Variants in ZFR observed in about 807,000 individuals in gnomAD.
ZFR encodes the protein zinc finger RNA binding protein.
Under a neutral mutation model 130.7 loss-of-function variants are expected in ZFR, and 19 were observed. The ratio of observed to expected loss-of-function variants is 0.15; its 90% CI spans 0.10 to 0.21. ZFR has a LOEUF of 0.21. Ranked by LOEUF, ZFR falls within the 10% of genes least tolerant of loss-of-function variation. The pLI is 1.00. For missense variants in ZFR, 872 were observed against 1,321.5 expected, an observed-to-expected ratio of 0.66 and a Z score of 5.27; for synonymous variants, 466 against 456.9, an observed-to-expected ratio of 1.02 and a Z score of -0.25.
chr5:32,357,326 C>T (rs1024022233), intron 19 of ZFR, among the ~76,000 whole-genome samples: 2 of 151,996 alleles, frequency 1.3e-5, no homozygotes, highest in Non-Finnish European at 2.9e-5. Context: ...AGTGCAGTGG[C>T]GCGATCTCAG....
intron 6 of ZFR, among the ~76,000 whole-genome samples, chr5:32,405,730 C>T (rs1561897988): frequency 6.6e-6 from 1 of 152,168 alleles, no homozygotes; most frequent in African/African-American, 2.4e-5. Context: ...ACATTTCCTA[C>T]CTGTGCCACA....
intron 6 of ZFR, among the ~76,000 whole-genome samples, chr5:32,405,541 C>T (rs1176415654): frequency 6.6e-6 from 1 of 152,218 alleles, no homozygotes; most frequent in African/African-American, 2.4e-5. Flanking sequence ...ATCTATCACC[C>T]AAGCGTCACG....
chr5:32,389,262 A>G (rs1753108082), intron 12 of ZFR, among the ~76,000 whole-genome samples: 1 of 152,212 alleles, frequency 6.6e-6, no homozygotes, highest in Non-Finnish European at 1.5e-5. Flanking sequence ...ATTTAGAAGT[A>G]GTAGGTTTTG....
At chr5:32,400,923 GTC>G (rs1029855431) in intron 8 of ZFR, among the ~76,000 whole-genome samples, 1 of 152,100 alleles carries the variant, frequency 6.6e-6, no homozygotes, top group African/African-American at 2.4e-5. Flanking sequence ...CAATGATTAG[GTC>G]TCTCTGCAAA....
chr5:32,444,561 C>T (rs1754562708), intron 1 of ZFR, 61 bp downstream of exon 1: 1 of 1,436,318 alleles, frequency 7.0e-7, no homozygotes, highest in Non-Finnish European at 9.1e-7. Flanking sequence ...CCCGCGGCTC[C>T]CCGCTGCCCG....
chr5:32,426,388 A>C (rs1181383069), intron 2 of ZFR, among the ~76,000 whole-genome samples: 6 of 151,972 alleles, frequency 3.9e-5, no homozygotes, highest in Non-Finnish European at 8.8e-5. Flanking sequence ...TTTTATGATT[A>C]AAAAAAGAAA....
At chr5:32,375,372 A>G (rs370594173) in intron 17 of ZFR, among the ~76,000 whole-genome samples, 22 of 152,224 alleles carry the variant, frequency 1.4e-4, no homozygotes, top group African/African-American at 5.3e-4. Context: ...GACCAGAAAC[A>G]TTTTTAATAC....
At chr5:32,444,353 T>C in intron 1 of ZFR, 25 bp from the exon 2 acceptor site, 1 of 1,530,662 alleles carries the variant, frequency 6.5e-7, no homozygotes, top group Non-Finnish European at 8.8e-7. Context: ...AAGAGTCGGG[T>C]CCCATGGCGG....
intron 2 of ZFR, among the ~76,000 whole-genome samples, chr5:32,430,857 C>T (rs1044806463): frequency 6.6e-6 from 1 of 152,202 alleles, no homozygotes; most frequent in Non-Finnish European, 1.5e-5. Flanking sequence ...AGGCAGATCT[C>T]TTGAGTCCAG....
chr5:32,380,367 G>A (rs895622360), intron 15 of ZFR, 195 bp from the exon 16 acceptor site: 2 of 442,272 alleles, frequency 4.5e-6, no homozygotes, highest in Non-Finnish European at 4.1e-6. Context: ...TATTAATTTA[G>A]TAATATAATA....
At chr5:32,378,621 ATTG>A (rs1197767169) in intron 17 of ZFR, among the ~76,000 whole-genome samples, 1 of 152,150 alleles carries the variant, frequency 6.6e-6, no homozygotes, top group Admixed American at 6.5e-5. Flanking sequence ...ATCACAGCAG[ATTG>A]TTAAGATAAT....
intron 12 of ZFR, 114 bp from the exon 13 acceptor site, chr5:32,388,788 C>CT: frequency 9.9e-7 from 1 of 1,014,436 alleles, no homozygotes; most frequent in South Asian, 1.8e-5. Context: ...CCTTTATCTT[C>CT]TTTTTTCCAT....
intron 19 of ZFR, among the ~76,000 whole-genome samples, chr5:32,356,152 TTAAG>T (rs1752302213): frequency 6.6e-6 from 1 of 151,646 alleles, no homozygotes; most frequent in African/African-American, 2.4e-5. Flanking sequence ...ATCTTAAACA[TTAAG>T]TAAAAAAAAA....
At chr5:32,402,602 A>T (rs1373677667) in intron 8 of ZFR, among the ~76,000 whole-genome samples, 3 of 144,288 alleles carry the variant, frequency 2.1e-5, no homozygotes, top group African/African-American at 8.1e-5. Context: ...CCCCATCTCT[A>T]CCAAAAAAAA....
intron 5 of ZFR, 101 bp from the exon 6 acceptor site, chr5:32,407,122 A>C: frequency 9.3e-7 from 1 of 1,072,858 alleles, no homozygotes. Flanking sequence ...ATAAAGATAG[A>C]TTTACATGTG....
chr5:32,432,777 G>A (rs1205144510), intron 2 of ZFR, among the ~76,000 whole-genome samples: 1 of 152,056 alleles, frequency 6.6e-6, no homozygotes, highest in African/African-American at 2.4e-5. Context: ...CACCCAGGAA[G>A]GAGTGCAGTG....
chr5:32,355,919 T>C lies in ZFR; in HGVS notation c.3066A>G (p.Ala1022=). The C allele has an allele frequency of 6.3e-7, 1 of 1,592,550 alleles. No individual in the cohort carries two copies. Among genetic ancestry groups the C allele is most frequent in the Non-Finnish European group, 8.5e-7 (1 of 1,173,570 alleles). Residue 1022 remains alanine (A), a synonymous_variant, in exon 20 of 20, where the codon GCA becomes GCG. Coordinates refer to ENST00000265069, the MANE Select transcript of ZFR (RefSeq NM_016107.5). The part of the protein sequence containing the change: ...SSAQFALRLL[A]FRQIHKVLGM... ...CTAGAACTTTGTGTATCTGGCGGAATGCAAGGAGTCTCAATGCAAACTGCA... is the reference window on the plus strand; with the variant it reads ...CTAGAACTTTGTGTATCTGGCGGAACGCAAGGAGTCTCAATGCAAACTGCA...
intron 2 of ZFR, among the ~76,000 whole-genome samples, chr5:32,424,479 C>T (rs528999699): frequency 6.7e-6 from 1 of 149,346 alleles, no homozygotes; most frequent in Admixed American, 6.7e-5. Context: ...TGCAGTGAGC[C>T]GAGATCGCGC....
intron 5 of ZFR, among the ~76,000 whole-genome samples, chr5:32,408,079 C>T (rs968011296): frequency 6.6e-6 from 1 of 152,058 alleles, no homozygotes; most frequent in African/African-American, 2.4e-5. Flanking sequence ...TAAGTTATAA[C>T]TAAACTTGCC....
Sources: allele counts gnomAD v4.1 joint callset (sites outside exome capture counted in the v4.1 genomes callset), GRCh38; gene constraint gnomAD v4.1.1; transcripts MANE v1.5; gene names NCBI Gene and HGNC (gene_info 2026-07-23, HGNC 2026-07-21).